The following MARCHF1 variants were observed in gnomAD, a reference collection of about 807,000 sequenced individuals.
MARCHF1 encodes the protein membrane associated ring-CH-type finger 1.
A neutral mutation model predicts 54.2 loss-of-function variants in MARCHF1; 40 were observed. That is an observed-to-expected ratio of 0.74 (90% CI 0.57 to 0.96). The LOEUF (loss-of-function observed/expected upper bound fraction) is 0.96, where lower values mean the gene tolerates loss of function less well. MARCHF1 is among the 40% of genes least tolerant of loss of function. The pLI, the probability that MARCHF1 is intolerant of heterozygous loss-of-function variation, is 0.00. For missense variants in MARCHF1, 586 were observed against 656.5 expected, an observed-to-expected ratio of 0.89 and a Z score of 1.17; for synonymous variants, 236 against 236.3, an observed-to-expected ratio of 1.00 and a Z score of 0.01.
At chr4:164,155,672 T>G (rs942837630) in intron 1 of MARCHF1, among the ~76,000 whole-genome samples, 1 of 151,944 alleles carries the variant, frequency 6.6e-6, no homozygotes, top group African/African-American at 2.4e-5. Flanking sequence ...ATGTGGAGAC[T>G]TGGTGGGGGG....
intron 1 of MARCHF1, among the ~76,000 whole-genome samples, chr4:164,368,254 A>AT (rs1306770225): frequency 3.3e-5 from 5 of 151,346 alleles, no homozygotes; most frequent in Admixed American, 3.3e-4. Context: ...TGAAGTAGAG[A>AT]TTTTTTTAAA....
chr4:163,867,378 A>C (rs1373074387), intron 3 of MARCHF1, among the ~76,000 whole-genome samples: 1 of 151,910 alleles, frequency 6.6e-6, no homozygotes, highest in Non-Finnish European at 1.5e-5. Context: ...AATAAATATA[A>C]ATTTGGCAAC....
chr4:164,160,793 T>C (rs1430968), intron 1 of MARCHF1, among the ~76,000 whole-genome samples: 28,871 of 151,922 alleles, frequency 0.19, 4,342 homozygotes, highest in African/African-American at 0.41. Context: ...ATGAAGCTTT[T>C]AAAGATTAAG....
intron 2 of MARCHF1, among the ~76,000 whole-genome samples, chr4:164,105,332 A>G (rs1042132513): frequency 5.5e-5 from 8 of 145,806 alleles, no homozygotes; most frequent in African/African-American, 1.5e-4. Flanking sequence ...AAAAGAACAA[A>G]GCTGGAGGCA....
chr4:164,188,731 G>A (rs1200493191), intron 1 of MARCHF1: 1 of 1,037,014 alleles, frequency 9.6e-7, no homozygotes, highest in African/African-American at 1.6e-5. Flanking sequence ...TGCGGTTCAA[G>A]GTAGTTGAAA....
rs1277816929 is a variant in MARCHF1, at chr4:163,528,350, A to AT, written c.*397dup. 6.1e-6 allele frequency: 1 copy of AT among 164,352 alleles called. No homozygotes were observed. Among genetic ancestry groups the AT allele is most frequent in the Non-Finnish European group, 1.3e-5 (1 of 76,204 alleles). The allele number at this position is 164,352 out of a possible 1,614,324, so 10.2% of individuals were successfully genotyped here. A position where few individuals can be genotyped will look rare whatever the true frequency, so the allele number is the denominator to read the frequency against. On this transcript the variant is annotated 3_prime_UTR_variant, in exon 10 of 10. Coordinates refer to ENST00000514618, the MANE Select transcript of MARCHF1 (RefSeq NM_001394959.1). ...GTTATTTCCAGATGAGACAGTTAAC[A>AT]TTACAAGGCCCTAGAAGTAATACAC...
At chr4:163,797,102 T>A (rs1747939521) in intron 4 of MARCHF1, among the ~76,000 whole-genome samples, 1 of 152,146 alleles carries the variant, frequency 6.6e-6, no homozygotes, top group Non-Finnish European at 1.5e-5. Flanking sequence ...CAATCTTTTT[T>A]TTTCTTTTTC....
chr4:164,079,862 T>C (rs1040398734), intron 2 of MARCHF1, among the ~76,000 whole-genome samples: 1 of 152,168 alleles, frequency 6.6e-6, no homozygotes, highest in Non-Finnish European at 1.5e-5. Flanking sequence ...ATTACTAATT[T>C]ATTACAGAAA....
rs557451329 is a variant in MARCHF1, at chr4:163,887,944, A to G, written c.-38-33775T>C. Among the ~76,000 whole-genome samples the G allele has an allele frequency of 3.9e-4, 60 of 152,168 alleles. No individual in the cohort carries two copies. The Middle Eastern group carries it at 0.01, about 26-fold the overall frequency. On this transcript the variant is annotated intron_variant, in intron 3 of 9. Transcript: ENST00000514618. ...ATTTCCATTTAATGTTCCTTTGCCT[A>G]TTGGTCTCTTATTTCACAATGATAT...
intron 1 of MARCHF1, among the ~76,000 whole-genome samples, chr4:164,226,156 TTAAGAA>T (rs1732247659): frequency 6.6e-6 from 1 of 151,972 alleles, no homozygotes; most frequent in African/African-American, 2.4e-5. Context: ...AAAATTAACA[TTAAGAA>T]TAAAAGAAGC....
chr4:163,849,360 C>G (rs1046154027), intron 4 of MARCHF1, among the ~76,000 whole-genome samples: 1 of 39,158 alleles, frequency 2.6e-5, no homozygotes, highest in Admixed American at 1.8e-4. Flanking sequence ...TAATCAGCCA[C>G]CATCATTATT....
rs1256084963 is a variant in MARCHF1 at position 163,948,123 on chromosome 4, G to A, written c.-39+40378C>T. On this transcript the variant is annotated intron_variant, in intron 3 of 9. Coordinates refer to ENST00000514618, the MANE Select transcript of MARCHF1 (RefSeq NM_001394959.1). ...ATAGCACATTACAAATCTAAGTACA[G>A]AACAAAGATCTATCTGATGACAACA... Among the ~76,000 whole-genome samples the A allele has an allele frequency of 2.0e-5, 3 of 152,068 alleles. No individual in the cohort carries two copies. The East Asian group carries it at 5.8e-4, about 29-fold the overall frequency.
At chr4:163,782,496 C>T (rs1319404327) in intron 4 of MARCHF1, among the ~76,000 whole-genome samples, 1 of 151,708 alleles carries the variant, frequency 6.6e-6, no homozygotes, top group Non-Finnish European at 1.5e-5. Context: ...TATAGTGAAA[C>T]CCCGTCTCTA....
intron 4 of MARCHF1, among the ~76,000 whole-genome samples, chr4:163,736,677 C>A (rs763014980): frequency 3.9e-5 from 6 of 151,900 alleles, no homozygotes; most frequent in African/African-American, 1.4e-4. Context: ...GGGCTAAAGT[C>A]CTAAGATAAA....
At chr4:163,877,843 A>T (rs1401641973) in intron 3 of MARCHF1, among the ~76,000 whole-genome samples, 1 of 152,144 alleles carries the variant, frequency 6.6e-6, no homozygotes, top group Non-Finnish European at 1.5e-5. Flanking sequence ...TAAATCGAGT[A>T]ATGTCTGCTG....
At chr4:163,916,919 A>G (rs1448217321) in intron 3 of MARCHF1, among the ~76,000 whole-genome samples, 1 of 152,074 alleles carries the variant, frequency 6.6e-6, no homozygotes, top group African/African-American at 2.4e-5. Context: ...ATGGGTTTTG[A>G]CAAATGTATA....
intron 4 of MARCHF1, among the ~76,000 whole-genome samples, chr4:163,783,726 C>G (rs183100590): frequency 6.6e-5 from 10 of 152,304 alleles, no homozygotes; most frequent in African/African-American, 2.4e-4. Context: ...ATTGGCTTTT[C>G]TGAAACCTCA....
At chr4:164,063,062 C>A (rs1389083330) in intron 2 of MARCHF1, among the ~76,000 whole-genome samples, 1 of 152,070 alleles carries the variant, frequency 6.6e-6, no homozygotes, top group Non-Finnish European at 1.5e-5. Context: ...GTTCAGTAAC[C>A]CAGGCTGCAA....
intron 3 of MARCHF1, among the ~76,000 whole-genome samples, chr4:163,901,872 CCTTT>C (rs1750950374): frequency 6.6e-6 from 1 of 152,100 alleles, no homozygotes; most frequent in African/African-American, 2.4e-5. Context: ...TGTTTGGCTT[CCTTT>C]GTCTTCCTGT....
Sources: gnomAD v4.1 joint callset for allele counts (sites outside exome capture counted in the v4.1 genomes callset) on GRCh38, gnomAD v4.1.1 for gene constraint, MANE v1.5 for transcripts, NCBI Gene and HGNC (gene_info 2026-07-23, HGNC 2026-07-21) for gene names.